CAMKMT: variants seen among roughly 807,000 people sequenced by gnomAD.
CAMKMT encodes CaM KMT.
In CAMKMT, 53 loss-of-function variants were observed where a neutral mutation model predicts 48.0. The ratio of observed to expected loss-of-function variants is 1.10; its 90% CI spans 0.89 to 1.39. The LOEUF (loss-of-function observed/expected upper bound fraction) is 1.39. Ranked by LOEUF, CAMKMT falls within the 40% of genes most tolerant of loss-of-function variation. CAMKMT has a pLI of 0.00. For synonymous variants in CAMKMT, 165 were observed against 152.3 expected, an observed-to-expected ratio of 1.08 and a Z score of -0.61; for missense variants, 428 against 402.7, an observed-to-expected ratio of 1.06 and a Z score of -0.54.
At chr2:44,683,822 C>CAAAAAA (rs10644183) in intron 3 of CAMKMT, among the ~76,000 whole-genome samples, 19 of 70,562 alleles carry the variant, frequency 2.7e-4, no homozygotes, top group African/African-American at 4.4e-4. Flanking sequence ...GACTCTGTCT[C>CAAAAAA]AAAAAAAAAA....
chr2:44,686,534 A>G (rs1005969427), intron 3 of CAMKMT, among the ~76,000 whole-genome samples: 6 of 152,244 alleles, frequency 3.9e-5, no homozygotes, highest in African/African-American at 1.2e-4. Context: ...GAATGCTAGG[A>G]ACTCTCTACT....
intron 1 of CAMKMT, 112 bp downstream of exon 1, chr2:44,362,257 C>CA (rs1677954079): frequency 9.8e-7 from 1 of 1,020,620 alleles, no homozygotes; most frequent in African/African-American, 1.7e-5. Context: ...AGACCCTTCT[C>CA]AGTTTGCCGG....
chr2:44,520,738 C>T (rs1346559618), intron 3 of CAMKMT, among the ~76,000 whole-genome samples: 2 of 152,152 alleles, frequency 1.3e-5, no homozygotes, highest in African/African-American at 4.8e-5. Flanking sequence ...ATTGTAATCC[C>T]CATAATCCCC....
At chr2:44,508,436 G>A (rs929513217) in intron 3 of CAMKMT, among the ~76,000 whole-genome samples, 3 of 152,136 alleles carry the variant, frequency 2.0e-5, no homozygotes, top group Admixed American at 6.5e-5. Context: ...CAGGAAGGGA[G>A]TTCCCCACTA....
intron 1 of CAMKMT, among the ~76,000 whole-genome samples, chr2:44,363,072 CTTTG>C (rs1346675214): frequency 1.3e-5 from 2 of 152,132 alleles, no homozygotes; most frequent in African/African-American, 4.8e-5. Flanking sequence ...TTGGGGATCA[CTTTG>C]TTTGCAGTTG....
intron 3 of CAMKMT, among the ~76,000 whole-genome samples, chr2:44,665,060 GT>G (rs888608803): frequency 1.6e-4 from 25 of 152,064 alleles, no homozygotes; most frequent in Middle Eastern, 6.8e-3. Context: ...TCTCAAAGAG[GT>G]TTTTTTGTTT....
chr2:44,705,386 C>A (rs1179843064), intron 4 of CAMKMT: 7 of 985,170 alleles, frequency 7.1e-6, no homozygotes, highest in Non-Finnish European at 7.2e-6. Flanking sequence ...AAGAACAGGG[C>A]AATTTTGAAT....
intron 3 of CAMKMT, among the ~76,000 whole-genome samples, chr2:44,454,115 G>A (rs6705289): frequency 0.028 from 4,333 of 152,138 alleles, 199 homozygotes; most frequent in African/African-American, 0.099. Flanking sequence ...GAGAAGCTTC[G>A]TCTGCAATTC....
intron 3 of CAMKMT, among the ~76,000 whole-genome samples, chr2:44,565,073 G>A (rs1386598539): frequency 6.6e-6 from 1 of 152,144 alleles, no homozygotes; most frequent in African/African-American, 2.4e-5. Flanking sequence ...TGGGTTGAGG[G>A]TTCTTCGGAG....
intron 3 of CAMKMT, among the ~76,000 whole-genome samples, chr2:44,539,506 A>C (rs1456474140): frequency 6.6e-6 from 1 of 152,168 alleles, no homozygotes; most frequent in African/African-American, 2.4e-5. Flanking sequence ...ATGTTGGTGC[A>C]AAACTGTGAT....
At chr2:44,679,082 A>C (rs780509442) in intron 3 of CAMKMT, among the ~76,000 whole-genome samples, 1 of 152,152 alleles carries the variant, frequency 6.6e-6, no homozygotes, top group Non-Finnish European at 1.5e-5. Context: ...TGAATAAACC[A>C]TCCTGGTTTC....
intron 3 of CAMKMT, among the ~76,000 whole-genome samples, chr2:44,509,063 T>C (rs191788650): frequency 6.7e-6 from 1 of 148,292 alleles, no homozygotes; most frequent in African/African-American, 2.5e-5. Flanking sequence ...GCCACTACAC[T>C]CCAGGCTGGA....
At chr2:44,423,168 C>CTATTT (rs151172854) in intron 3 of CAMKMT, among the ~76,000 whole-genome samples, 78,998 of 150,578 alleles carry the variant, frequency 0.52, 23,123 homozygotes, top group Non-Finnish European at 0.66. Flanking sequence ...CATCAGGACT[C>CTATTT]TATTTTATTT....
intron 3 of CAMKMT, among the ~76,000 whole-genome samples, chr2:44,505,842 C>CTTTATTTATTTATTTA (rs59024414): frequency 2.0e-5 from 3 of 148,442 alleles, no homozygotes; most frequent in Non-Finnish European, 3.0e-5. Context: ...AGTTTATTTA[C>CTTTATTTATTTATTTA]TTTATTTATT....
rs1470206973 is a variant in CAMKMT, at chr2:44,588,205, C to CCG, written c.377-116076_377-116075dup. On this transcript the variant is annotated intron_variant, in intron 3 of 10. Coordinates refer to ENST00000378494, the MANE Select transcript of CAMKMT (RefSeq NM_024766.5). ...AGTGAGGAAACCCTCTGCCTGGCAACCGCCCCGTCTGAGAAGTGAGGAGCC... is the reference window on the plus strand; with the variant it reads ...AGTGAGGAAACCCTCTGCCTGGCAACCGCGCCCCGTCTGAGAAGTGAGGAGCC... Among the ~76,000 whole-genome samples the CCG allele has an allele frequency of 2.5e-5, 3 of 121,098 alleles. No homozygotes were observed. In the South Asian group the frequency reaches 8.8e-4, roughly 35 times the overall value. 79.4% of individuals were successfully genotyped at this position (121,098 alleles called of 152,430 possible).
In CAMKMT at chr2:44,621,266, C is replaced by CAAAAAAAAAA. The variant is rs10667154; in HGVS notation, c.377-83007_377-82998dup. 3.7e-3 allele frequency among the ~76,000 whole-genome samples: 315 copies of CAAAAAAAAAA among 84,474 alleles called. 12 individuals are homozygous for CAAAAAAAAAA. Among genetic ancestry groups the CAAAAAAAAAA allele is most frequent in the African/African-American group, 0.016 (305 of 18,674 alleles). The allele number at this position is 84,474 out of a possible 152,430, so 55.4% of individuals were successfully genotyped here. A position where few individuals can be genotyped will look rare whatever the true frequency, so the allele number is the denominator to read the frequency against. ...TGGGCGACAGAGCGAGACTCCATCT[C>CAAAAAAAAAA]AAAAAAAAAAAAAAAAAAAGCATAA... On this transcript the variant is annotated intron_variant, in intron 3 of 10. Coordinates refer to ENST00000378494, the MANE Select transcript of CAMKMT (RefSeq NM_024766.5).
rs1684107819 is a variant in CAMKMT, at chr2:44,424,078, T to C, written c.376+33773T>C. ...ATTCATTACAGAGCCAAGTAGTGTT[T>C]TGTAATTATATTTTCCATCTTACAC... is the stretch of plus-strand genomic sequence containing the variant. On this transcript the variant is annotated intron_variant, in intron 3 of 10. Coordinates refer to ENST00000378494, the MANE Select transcript of CAMKMT (RefSeq NM_024766.5). Among the ~76,000 whole-genome samples, 3 of 152,208 alleles carry C rather than the reference T, an allele frequency of 2.0e-5. No homozygotes were observed. In the South Asian group the frequency reaches 6.2e-4, roughly 31 times the overall value.
chr2:44,451,206 G>T (rs143801734), intron 3 of CAMKMT, among the ~76,000 whole-genome samples: 1 of 152,094 alleles, frequency 6.6e-6, no homozygotes, highest in Non-Finnish European at 1.5e-5. Context: ...AACACATTTA[G>T]TTCCTAAAGA....
At chr2:44,564,409 A>G (rs1668499291) in intron 3 of CAMKMT, among the ~76,000 whole-genome samples, 1 of 152,094 alleles carries the variant, frequency 6.6e-6, no homozygotes, top group Admixed American at 6.6e-5. Context: ...TCCTGACCTC[A>G]ACTGATCCAC....
Sources: allele counts gnomAD v4.1 joint callset (sites outside exome capture counted in the v4.1 genomes callset), GRCh38; gene constraint gnomAD v4.1.1; transcripts MANE v1.5; gene names NCBI Gene and HGNC (gene_info 2026-07-23, HGNC 2026-07-21).